Variants in R3HDM2 observed in about 807,000 individuals in gnomAD.
R3HDM2 encodes R3H domain-containing protein 2.
In R3HDM2, 38 loss-of-function variants were observed where a neutral mutation model predicts 124.5. The observed-to-expected ratio is 0.31, with a 90% CI of 0.24 to 0.40. The LOEUF (loss-of-function observed/expected upper bound fraction) is 0.40, where lower values mean the gene tolerates loss of function less well. Among genes scored for constraint, R3HDM2 ranks in the 10% least tolerant of loss-of-function variants. The probability of loss-of-function intolerance (pLI) is 1.00; values close to 1 mark genes in which losing one functional copy is unlikely to be tolerated. For synonymous variants in R3HDM2, 391 were observed against 448.0 expected (o/e 0.87, Z 1.61); for missense variants, 869 against 1,236.9 (o/e 0.70, Z 4.46).
At chr12:57,271,408 C>T (rs1443302779) in intron 14 of R3HDM2, among the ~76,000 whole-genome samples, 1 of 151,734 alleles carries the variant, frequency 6.6e-6, no homozygotes, top group Non-Finnish European at 1.5e-5. Context: ...TTGTTAGCTT[C>T]CTTTTCCCTT....
chr12:57,268,871 T>G, intron 17 of R3HDM2, 51 bp downstream of exon 17: 1 of 1,583,346 alleles, frequency 6.3e-7, no homozygotes, highest in Non-Finnish European at 8.6e-7. Context: ...GGCTCTCCTT[T>G]TCCTCATGCC....
At chr12:57,338,522 T>C (rs2059150491) in intron 2 of R3HDM2, among the ~76,000 whole-genome samples, 1 of 152,200 alleles carries the variant, frequency 6.6e-6, no homozygotes, top group Non-Finnish European at 1.5e-5. Context: ...CCCGAGTAAC[T>C]GGGACTACAG....
At chr12:57,359,100 T>C (rs2061604363) in intron 2 of R3HDM2, among the ~76,000 whole-genome samples, 1 of 152,018 alleles carries the variant, frequency 6.6e-6, no homozygotes, top group Admixed American at 6.6e-5. Context: ...GTATTTTTAG[T>C]AGAGGCGAGG....
intron 2 of R3HDM2, among the ~76,000 whole-genome samples, chr12:57,378,116 C>CA (rs1413147649): frequency 6.6e-6 from 1 of 151,972 alleles, no homozygotes; most frequent in Non-Finnish European, 1.5e-5. Context: ...AACAAACAAA[C>CA]AAAAAACACC....
Position 57,407,313 on chromosome 12 carries a change from T to C in R3HDM2, c.-105-11495A>G, listed in dbSNP as rs536133174. ...ACTGACCAACTATAACAGACTTTATTTGGATCCTATTTTAAACATATAAGC... is the reference window on the plus strand; with the variant it reads ...ACTGACCAACTATAACAGACTTTATCTGGATCCTATTTTAAACATATAAGC... On this transcript the variant is annotated intron_variant, in intron 1 of 23. Transcript: ENST00000402412. Among the ~76,000 whole-genome samples the C allele has an allele frequency of 2.4e-3, 363 of 152,178 alleles. 1 individual carries two copies. The highest frequency in any genetic ancestry group is 8.3e-3 in the African/African-American group (345 of 41,522).
At chr12:57,271,858 GT>G (rs1356201798) in intron 14 of R3HDM2, among the ~76,000 whole-genome samples, 1 of 151,790 alleles carries the variant, frequency 6.6e-6, no homozygotes, top group African/African-American at 2.4e-5. Context: ...AACAGTTTAA[GT>G]TTTTGCCAGT....
At chr12:57,388,166 T>C (rs981960200) in intron 2 of R3HDM2, among the ~76,000 whole-genome samples, 1 of 151,782 alleles carries the variant, frequency 6.6e-6, no homozygotes, top group Admixed American at 6.6e-5. Context: ...GGTTTCACCA[T>C]GTTGGCCAGG....
intron 2 of R3HDM2, among the ~76,000 whole-genome samples, chr12:57,356,736 A>G (rs542425891): frequency 6.6e-6 from 1 of 152,376 alleles, no homozygotes; most frequent in South Asian, 2.1e-4. Context: ...TCTAGTAGAC[A>G]TAAACCTATT....
chr12:57,374,606 C>G (rs1350403863), intron 2 of R3HDM2, among the ~76,000 whole-genome samples: 3 of 145,832 alleles, frequency 2.1e-5, no homozygotes, highest in Non-Finnish European at 4.5e-5. Context: ...TTACTTGAAC[C>G]CAGGAGGCGG....
intron 2 of R3HDM2, among the ~76,000 whole-genome samples, chr12:57,315,566 C>T (rs1032573723): frequency 3.3e-5 from 5 of 152,196 alleles, no homozygotes; most frequent in African/African-American, 9.7e-5. Context: ...TGCAGCTCTC[C>T]TTCACATGTG....
intron 2 of R3HDM2, among the ~76,000 whole-genome samples, chr12:57,364,204 G>C (rs57745658): frequency 7.0e-6 from 1 of 143,676 alleles, no homozygotes; most frequent in Non-Finnish European, 1.5e-5. Flanking sequence ...TTGGAGTGCA[G>C]TGGTGCGATC....
chr12:57,377,539 C>T (rs763262097), intron 2 of R3HDM2, among the ~76,000 whole-genome samples: 11 of 152,084 alleles, frequency 7.2e-5, no homozygotes, highest in Non-Finnish European at 1.5e-4. Context: ...ACCCGCTAAA[C>T]CTGTTCTAAT....
intron 5 of R3HDM2, 116 bp from the exon 6 acceptor site, chr12:57,299,594 T>A (rs2050667087): frequency 2.8e-6 from 3 of 1,086,348 alleles, no homozygotes; most frequent in Non-Finnish European, 3.9e-6. Context: ...TAGATTAGTG[T>A]TATTTTGCTA....
chr12:57,396,615 G>A (rs913024483), intron 1 of R3HDM2, among the ~76,000 whole-genome samples: 1 of 151,750 alleles, frequency 6.6e-6, no homozygotes, highest in East Asian at 1.9e-4. Flanking sequence ...CGTCTCTACT[G>A]AAAAAACACA....
At chr12:57,366,291 A>G (rs1338398936) in intron 2 of R3HDM2, among the ~76,000 whole-genome samples, 2 of 152,038 alleles carry the variant, frequency 1.3e-5, no homozygotes, top group African/African-American at 4.8e-5. Flanking sequence ...AAGTGCTGGG[A>G]TTATGTGTTG....
intron 1 of R3HDM2, among the ~76,000 whole-genome samples, chr12:57,416,994 G>A (rs1398776976): frequency 6.6e-6 from 1 of 151,266 alleles, no homozygotes; most frequent in South Asian, 2.1e-4. Flanking sequence ...TGTAGTCCCA[G>A]CTACTCAGGA....
At chr12:57,368,787 A>G (rs1329256286) in intron 2 of R3HDM2, among the ~76,000 whole-genome samples, 2 of 152,066 alleles carry the variant, frequency 1.3e-5, no homozygotes, top group East Asian at 3.9e-4. Flanking sequence ...GTCTCCCTTC[A>G]CTGTAAGTAT....
intron 2 of R3HDM2, among the ~76,000 whole-genome samples, chr12:57,320,754 T>G (rs920780419): frequency 6.6e-6 from 1 of 151,900 alleles, no homozygotes; most frequent in East Asian, 1.9e-4. Flanking sequence ...CATAATAGAG[T>G]GAGATTATAT....
At chr12:57,325,733 A>C (rs1322390285) in intron 2 of R3HDM2, among the ~76,000 whole-genome samples, 2 of 149,064 alleles carry the variant, frequency 1.3e-5, no homozygotes, top group African/African-American at 2.5e-5. Context: ...TTTTTGGTAG[A>C]GATGGGGGTC....
Sources: allele counts gnomAD v4.1 joint callset (sites outside exome capture counted in the v4.1 genomes callset), GRCh38; gene constraint gnomAD v4.1.1; transcripts MANE v1.5; gene names NCBI Gene and HGNC (gene_info 2026-07-23, HGNC 2026-07-21).